KCNQ5: variants seen among roughly 807,000 people sequenced by gnomAD.
KCNQ5 encodes potassium voltage-gated channel subfamily Q member 5, also known as potassium voltage-gated channel subfamily KQT member 5.
A neutral mutation model predicts 98.2 loss-of-function variants in KCNQ5; 30 were observed. That is an observed-to-expected ratio of 0.31 (90% CI 0.23 to 0.41). The LOEUF (loss-of-function observed/expected upper bound fraction) is 0.41. KCNQ5 is among the 10% of genes least tolerant of loss of function. KCNQ5 has a pLI of 1.00. For missense variants in KCNQ5, 835 were observed against 1,182.5 expected (o/e 0.71, Z 4.31); for synonymous variants, 458 against 449.4 (o/e 1.02, Z -0.24).
chr6:72,856,527 C>A (rs918181212), intron 1 of KCNQ5, among the ~76,000 whole-genome samples: 1 of 151,674 alleles, frequency 6.6e-6, no homozygotes, highest in African/African-American at 2.4e-5. Flanking sequence ...TGCTTTCCAG[C>A]AGGGTAGACA....
chr6:73,185,936 A>G (rs1342132861), intron 11 of KCNQ5, among the ~76,000 whole-genome samples: 1 of 152,152 alleles, frequency 6.6e-6, no homozygotes, highest in Non-Finnish European at 1.5e-5. Context: ...TTTCAAAAAT[A>G]TCTATGGGCC....
chr6:73,063,686 T>TAGATGATA (rs55995543), intron 3 of KCNQ5, among the ~76,000 whole-genome samples: 1,533 of 93,102 alleles, frequency 0.016, 47 homozygotes, highest in Middle Eastern at 0.034. Context: ...GATAGATAGA[T>TAGATGATA]GATAGATAGA....
At chr6:72,727,953 AGGGTCTTCTCAT>A (rs1369793800) in intron 1 of KCNQ5, among the ~76,000 whole-genome samples, 2 of 152,168 alleles carry the variant, frequency 1.3e-5, no homozygotes, top group Non-Finnish European at 2.9e-5. Context: ...TATATGAGGC[AGGGTCTTCTCAT>A]GGCAAAAGGC....
chr6:73,052,692 G>A (rs1436016698), intron 3 of KCNQ5, among the ~76,000 whole-genome samples: 1 of 152,170 alleles, frequency 6.6e-6, no homozygotes, highest in Non-Finnish European at 1.5e-5. Flanking sequence ...CAAATGCTAA[G>A]GGAATTCATT....
At chr6:73,035,883 G>A (rs2150352499) in intron 2 of KCNQ5, among the ~76,000 whole-genome samples, 1 of 151,980 alleles carries the variant, frequency 6.6e-6, no homozygotes, top group Non-Finnish European at 1.5e-5. Flanking sequence ...TCCGCAAAAT[G>A]TAACATTTTG....
intron 1 of KCNQ5, among the ~76,000 whole-genome samples, chr6:72,860,871 G>GTA (rs1420706952): frequency 1.3e-5 from 2 of 151,522 alleles, no homozygotes; most frequent in Non-Finnish European, 2.9e-5. Context: ...GTGTGTGTGT[G>GTA]TGTATGTTTT....
At chr6:72,788,720 C>T (rs528010238) in intron 1 of KCNQ5, among the ~76,000 whole-genome samples, 52 of 152,234 alleles carry the variant, frequency 3.4e-4, no homozygotes, top group African/African-American at 1.2e-3. Flanking sequence ...GGAATTTTTA[C>T]AATAACAGTA....
intron 3 of KCNQ5, among the ~76,000 whole-genome samples, chr6:73,067,767 C>T (rs1294841876): frequency 1.3e-5 from 2 of 152,086 alleles, no homozygotes; most frequent in South Asian, 2.1e-4. Flanking sequence ...ATGTACTAAC[C>T]TTTCTAGGCC....
At chr6:73,145,939 A>G (rs1776903662) in intron 10 of KCNQ5, among the ~76,000 whole-genome samples, 1 of 152,294 alleles carries the variant, frequency 6.6e-6, no homozygotes, top group African/African-American at 2.4e-5. Flanking sequence ...GACAGAGAGA[A>G]TGAGAAAGTG....
At chr6:72,754,989 CTG>C (rs1331121905) in intron 1 of KCNQ5, among the ~76,000 whole-genome samples, 2 of 151,444 alleles carry the variant, frequency 1.3e-5, no homozygotes, top group East Asian at 3.9e-4. Flanking sequence ...TTATTCATGT[CTG>C]TTAGTTTTTT....
chr6:72,830,789 G>A (rs934936489), intron 1 of KCNQ5, among the ~76,000 whole-genome samples: 3 of 152,102 alleles, frequency 2.0e-5, no homozygotes, highest in African/African-American at 4.8e-5. Context: ...CCATCAGAGT[G>A]AACAGGCAAC....
At chr6:73,050,829 T>C (rs1243542306) in intron 3 of KCNQ5, among the ~76,000 whole-genome samples, 1 of 152,236 alleles carries the variant, frequency 6.6e-6, no homozygotes, top group Non-Finnish European at 1.5e-5. Flanking sequence ...ATAAATGAAA[T>C]TGTAAAGTAG....
chr6:73,146,647 A>G (rs1283242956), intron 10 of KCNQ5, among the ~76,000 whole-genome samples: 1 of 151,202 alleles, frequency 6.6e-6, no homozygotes, highest in Non-Finnish European at 1.5e-5. Context: ...AAAAAAAAAA[A>G]AAAAAAGCAA....
chr6:72,982,725 C>A (rs1768531018), intron 1 of KCNQ5, among the ~76,000 whole-genome samples: 1 of 152,052 alleles, frequency 6.6e-6, no homozygotes, highest in African/African-American at 2.4e-5. Flanking sequence ...ATGATGTTAG[C>A]TGGTTATTTT....
intron 1 of KCNQ5, among the ~76,000 whole-genome samples, chr6:72,738,403 C>G (rs928673425): frequency 3.3e-5 from 5 of 151,952 alleles, no homozygotes; most frequent in Admixed American, 3.3e-4. Context: ...CTCTAAATTA[C>G]TATAAATATA....
intron 3 of KCNQ5, among the ~76,000 whole-genome samples, chr6:73,076,774 C>T (rs1297597358): frequency 6.6e-6 from 1 of 152,100 alleles, no homozygotes; most frequent in Non-Finnish European, 1.5e-5. Context: ...TGCAAAGTTG[C>T]AGGTGCCACA....
intron 1 of KCNQ5, among the ~76,000 whole-genome samples, chr6:72,665,839 C>T (rs73533679): frequency 0.013 from 1,995 of 152,292 alleles, 37 homozygotes; most frequent in African/African-American, 0.046. Context: ...TATTATATTA[C>T]AGGGTGGCTA....
chr6:72,905,952 A>G (rs1160791105), intron 1 of KCNQ5, among the ~76,000 whole-genome samples: 1 of 152,160 alleles, frequency 6.6e-6, no homozygotes. Context: ...ACAGGGCCGT[A>G]GAACTCCCAA....
chr6:73,142,527 C>T (rs553941402), intron 10 of KCNQ5, among the ~76,000 whole-genome samples: 1 of 152,058 alleles, frequency 6.6e-6, no homozygotes, highest in Admixed American at 6.5e-5. Context: ...TGGCCTCAAC[C>T]TATAGCTACG....
Sources: gnomAD v4.1 joint callset for allele counts (sites outside exome capture counted in the v4.1 genomes callset) on GRCh38, gnomAD v4.1.1 for gene constraint, MANE v1.5 for transcripts, NCBI Gene and HGNC (gene_info 2026-07-23, HGNC 2026-07-21) for gene names.